ITPR1: variants seen among roughly 807,000 people sequenced by gnomAD.
ITPR1 encodes the protein inositol 1,4,5-trisphosphate receptor type 1, also known as inositol 1,4,5-trisphosphate-gated calcium channel ITPR1.
A neutral mutation model predicts 318.4 loss-of-function variants in ITPR1; 96 were observed. The observed-to-expected ratio is 0.30, with a 90% CI of 0.26 to 0.36. ITPR1 has a LOEUF of 0.36. ITPR1 is among the 10% of genes least tolerant of loss of function. The pLI is 1.00. For synonymous variants in ITPR1, 1,312 were observed against 1,289.9 expected (o/e 1.02, Z -0.37); for missense variants, 2,440 against 3,460.2 (o/e 0.71, Z 7.40).
rs1408148379 is a variant in ITPR1, at chr3:4,507,185, C to G, written c.-16-9291C>G. ...TCACAGATCATATATCTGTTTCTGT[C>G]TTCAGTCTGTTGTTACATCATGTGC... is the stretch of plus-strand genomic sequence containing the variant. On this transcript the variant is annotated intron_variant, in intron 2 of 61. Coordinates refer to ENST00000649015, the MANE Select transcript of ITPR1 (RefSeq NM_001378452.1). Among the ~76,000 whole-genome samples, 3 of 148,510 alleles carry G rather than the reference C, an allele frequency of 2.0e-5. No individual in the cohort carries two copies. In the East Asian group the frequency reaches 5.9e-4, roughly 29 times the overall value.
intron 4 of ITPR1, among the ~76,000 whole-genome samples, chr3:4,579,257 G>T (rs987640646): frequency 6.6e-6 from 1 of 152,116 alleles, no homozygotes; most frequent in African/African-American, 2.4e-5. Context: ...TACCTAGAAC[G>T]TTGTTACTGC....
intron 4 of ITPR1, among the ~76,000 whole-genome samples, chr3:4,545,627 A>G (rs1441536524): frequency 3.0e-4 from 45 of 151,410 alleles, no homozygotes; most frequent in African/African-American, 1.0e-3. Flanking sequence ...GGTCTCAAAA[A>G]AAAAAAAAAA....
chr3:4,613,605 C>G (rs1056495503), intron 4 of ITPR1, among the ~76,000 whole-genome samples: 3 of 152,128 alleles, frequency 2.0e-5, no homozygotes, highest in Non-Finnish European at 4.4e-5. Flanking sequence ...TTCTGCCTTT[C>G]TCTCTTCCTT....
intron 34 of ITPR1, among the ~76,000 whole-genome samples, chr3:4,699,380 G>A (rs6442901): frequency 0.043 from 6,553 of 151,992 alleles, 509 homozygotes; most frequent in African/African-American, 0.15. Flanking sequence ...GATTGGAGAC[G>A]GTCAGGTCCA....
intron 4 of ITPR1, among the ~76,000 whole-genome samples, chr3:4,551,914 A>C (rs569418554): frequency 3.9e-5 from 6 of 152,352 alleles, no homozygotes; most frequent in Admixed American, 3.9e-4. Context: ...AATAGAAAAG[A>C]TAATTTGATT....
At position 4,685,057 on chromosome 3, in the gene ITPR1, T is replaced by G. The variant is rs1574851467; in HGVS notation, c.3565-12T>G. On this transcript the variant is annotated splice_polypyrimidine_tract_variant and intron_variant, in intron 29 of 61. Transcript: ENST00000649015. The stretch of plus-strand genomic sequence containing the variant: ...CCTAGTTTTCTGAGACTGATTTCTT[T>G]CATTCTACTAGATTTTGATTCGGCT... The G allele has an allele frequency of 6.2e-7, 1 of 1,605,636 alleles. No individual in the cohort carries two copies. The highest frequency in any genetic ancestry group is 1.1e-5 in the South Asian group (1 of 89,564).
At chr3:4,687,613 T>C (rs1366657914) in intron 30 of ITPR1, among the ~76,000 whole-genome samples, 2 of 152,228 alleles carry the variant, frequency 1.3e-5, no homozygotes, top group Non-Finnish European at 2.9e-5. Flanking sequence ...GATTTCCAGT[T>C]TAGAAATTCT....
intron 52 of ITPR1, among the ~76,000 whole-genome samples, chr3:4,794,031 A>G (rs1484836465): frequency 6.6e-6 from 1 of 152,216 alleles, no homozygotes; most frequent in Non-Finnish European, 1.5e-5. Flanking sequence ...TTCATTGGGA[A>G]AAAGAAATAT....
intron 47 of ITPR1, among the ~76,000 whole-genome samples, chr3:4,776,489 C>A (rs565718208): frequency 7.2e-5 from 11 of 152,266 alleles, no homozygotes; most frequent in African/African-American, 2.6e-4. Flanking sequence ...ACTTGGGGAG[C>A]CAGGCCCTTC....
intron 12 of ITPR1, among the ~76,000 whole-genome samples, chr3:4,654,863 C>G (rs372041015): frequency 1.3e-5 from 2 of 152,184 alleles, no homozygotes; most frequent in East Asian, 1.9e-4. Context: ...TTGAAAGACA[C>G]TCTGACTGAG....
intron 48 of ITPR1, among the ~76,000 whole-genome samples, chr3:4,778,046 G>T (rs2046590723): frequency 6.6e-6 from 1 of 152,206 alleles, no homozygotes; most frequent in Non-Finnish European, 1.5e-5. Context: ...TTAACGGAAT[G>T]AAAATCGTGA....
At chr3:4,513,936 G>A (rs1253570261) in intron 2 of ITPR1, among the ~76,000 whole-genome samples, 1 of 152,048 alleles carries the variant, frequency 6.6e-6, no homozygotes, top group Non-Finnish European at 1.5e-5. Flanking sequence ...AAATACAAAC[G>A]TTTAGCCAGG....
At chr3:4,663,952 G>A (rs1254208325) in intron 16 of ITPR1, among the ~76,000 whole-genome samples, 3 of 152,160 alleles carry the variant, frequency 2.0e-5, no homozygotes, top group Non-Finnish European at 2.9e-5. Context: ...ATGCATCCAA[G>A]GTTCTTCAGT....
At chr3:4,539,782 A>G (rs1220977804) in intron 4 of ITPR1, among the ~76,000 whole-genome samples, 1 of 152,172 alleles carries the variant, frequency 6.6e-6, no homozygotes, top group Non-Finnish European at 1.5e-5. Flanking sequence ...GTACATTAGC[A>G]TGCTCAGCCC....
At chr3:4,618,388 A>T (rs1461048178) in intron 4 of ITPR1, among the ~76,000 whole-genome samples, 1 of 152,242 alleles carries the variant, frequency 6.6e-6, no homozygotes, top group Non-Finnish European at 1.5e-5. Context: ...TATTTTAAAT[A>T]ACATTTGTCA....
intron 4 of ITPR1, among the ~76,000 whole-genome samples, chr3:4,536,833 A>T (rs560816021): frequency 6.6e-6 from 1 of 152,356 alleles, no homozygotes; most frequent in South Asian, 2.1e-4. Flanking sequence ...TGGATAATTG[A>T]GTTGATATTT....
At chr3:4,672,820 C>A (rs192321640) in intron 20 of ITPR1, among the ~76,000 whole-genome samples, 40 of 152,226 alleles carry the variant, frequency 2.6e-4, no homozygotes, top group African/African-American at 9.6e-4. Context: ...CTTAGCATTC[C>A]CCCCGTTTAT....
intron 4 of ITPR1, among the ~76,000 whole-genome samples, chr3:4,591,759 T>A (rs554762414): frequency 7.9e-5 from 12 of 152,350 alleles, no homozygotes; most frequent in African/African-American, 2.6e-4. Context: ...CTAAGATTGA[T>A]ATCAGAATGT....
intron 44 of ITPR1, among the ~76,000 whole-genome samples, chr3:4,744,399 C>T (rs529744049): frequency 6.6e-6 from 1 of 152,316 alleles, no homozygotes; most frequent in South Asian, 2.1e-4. Flanking sequence ...CTCTTGGGAA[C>T]TGCCAGGCAG....
Sources: gnomAD v4.1 joint callset for allele counts (sites outside exome capture counted in the v4.1 genomes callset) on GRCh38, gnomAD v4.1.1 for gene constraint, MANE v1.5 for transcripts, NCBI Gene and HGNC (gene_info 2026-07-23, HGNC 2026-07-21) for gene names.